MYO7B: variants seen among roughly 807,000 people sequenced by gnomAD.
MYO7B encodes the protein unconventional myosin-VIIb.
A neutral mutation model predicts 259.7 loss-of-function variants in MYO7B; 212 were observed. The ratio of observed to expected loss-of-function variants is 0.82; its 90% CI spans 0.73 to 0.91. MYO7B has a LOEUF of 0.91. Ranked by LOEUF, MYO7B falls within the 40% of genes least tolerant of loss-of-function variation. MYO7B has a pLI of 0.00. For synonymous variants in MYO7B, 1,197 were observed against 1,166.4 expected (o/e 1.03, Z -0.54); for missense variants, 2,732 against 2,813.5 (o/e 0.97, Z 0.66).
chr2:127,541,330 T>G (rs759415933), intron 1 of MYO7B, among the ~76,000 whole-genome samples: 11 of 152,226 alleles, frequency 7.2e-5, no homozygotes, highest in Non-Finnish European at 1.6e-4. Context: ...GGGCTGTCTC[T>G]CCTATGCTGT....
chr2:127,552,962 C>A (rs1573612952), intron 1 of MYO7B, among the ~76,000 whole-genome samples: 1 of 152,218 alleles, frequency 6.6e-6, no homozygotes, highest in Non-Finnish European at 1.5e-5. Context: ...TTACTAACTG[C>A]ATAGCCTCTG....
chr2:127,617,463 T>C (rs1480562727), intron 26 of MYO7B, among the ~76,000 whole-genome samples: 1 of 150,686 alleles, frequency 6.6e-6, no homozygotes, highest in African/African-American at 2.4e-5. Context: ...ACTGACCTTA[T>C]GCTGCCAGCA....
Position 127,630,870 on chromosome 2 carries a change from G to A in MYO7B, c.4899G>A (p.Lys1633=), listed in dbSNP as rs773184915. 6 of 1,608,020 alleles carry A rather than the reference G, an allele frequency of 3.7e-6. No individual in the cohort carries two copies. In the South Asian group the frequency reaches 6.7e-5, roughly 18 times the overall value. The change falls in exon 36 of 48, where the codon AAG becomes AAA. Residue 1633 remains lysine (K), a synonymous_variant. Coordinates refer to ENST00000409816, the MANE Select transcript of MYO7B (RefSeq NM_001393586.1). ...EPRPEEPPKE[K]LHTLEEFSYE... ...GTCCTGAGGAGCCACCCAAGGAAAA[G>A]CTGCACACCCTGGAGGAGTTCTCCT...
In MYO7B at chr2:127,609,914, T is replaced by TGCCAGGAGCA. The variant is rs762349892; in HGVS notation, c.3096_3105dup (p.Gln1036GlufsTer14). Reference sequence around the variant, plus strand: ...GTGATCTCCCAGAGCCAGTGCTGTATGCCAGGAGCAGCCAGCAGGGCAGCT... The same window carrying TGCCAGGAGCA: ...GTGATCTCCCAGAGCCAGTGCTGTATGCCAGGAGCAGCCAGGAGCAGCCAGCAGGGCAGCT... On this transcript the variant is annotated frameshift_variant, in exon 24 of 48. Transcript: ENST00000409816. LOFTEE classifies it high-confidence loss of function. The surrounding 1 kb of genome is among the most constrained non-coding windows in gnomAD (Gnocchi z 6.9). 1 of 1,610,938 alleles carries TGCCAGGAGCA rather than the reference T, an allele frequency of 6.2e-7. No homozygotes were observed. The highest frequency in any genetic ancestry group is 1.1e-5 in the South Asian group (1 of 90,590).
intron 34 of MYO7B, 24 bp from the exon 35 acceptor site, chr2:127,629,621 C>T (rs747778689): frequency 2.9e-5 from 47 of 1,604,322 alleles, no homozygotes; most frequent in Admixed American, 2.2e-4. Flanking sequence ...GAGCCCTCAG[C>T]AAATAGCCTC....
intron 15 of MYO7B, among the ~76,000 whole-genome samples, 175 bp from the exon 16 acceptor site, chr2:127,589,917 T>A (rs1310918106): frequency 7.7e-6 from 1 of 129,316 alleles, no homozygotes; most frequent in East Asian, 2.4e-4. Context: ...AAGGGGTGGG[T>A]GGATGGGTGA....
At position 127,559,010 on chromosome 2, in the gene MYO7B, G is replaced by A. The variant is rs1040422742; in HGVS notation, c.-23-690G>A. ...GCTAAAGAGCTTAGCAATAGACCTG[G>A]TACCCACCTTGCACTGCTCAGCGCA... On this transcript the variant is annotated intron_variant, in intron 1 of 47. Coordinates refer to ENST00000409816, the MANE Select transcript of MYO7B (RefSeq NM_001393586.1). The surrounding 1 kb of genome is among the most constrained non-coding windows in gnomAD (Gnocchi z 4.1). Among the ~76,000 whole-genome samples, 1 of 152,194 alleles carries A rather than the reference G, an allele frequency of 6.6e-6. No homozygotes were observed. Among genetic ancestry groups the A allele is most frequent in the Admixed American group, 6.5e-5 (1 of 15,280 alleles).
intron 35 of MYO7B, among the ~76,000 whole-genome samples, chr2:127,630,497 G>C (rs1389763678): frequency 6.6e-6 from 1 of 152,186 alleles, no homozygotes; most frequent in Non-Finnish European, 1.5e-5. Context: ...TGGGGAGCTG[G>C]GGGTCTGAGA....
At chr2:127,633,393 G>T in intron 40 of MYO7B, 30 bp downstream of exon 40, 1 of 1,603,610 alleles carries the variant, frequency 6.2e-7, no homozygotes, top group East Asian at 2.2e-5. Context: ...TGCACGGCAA[G>T]TCTCAGGCCT....
At chr2:127,624,424 G>A in intron 30 of MYO7B, 104 bp downstream of exon 30, 6 of 1,052,522 alleles carry the variant, frequency 5.7e-6, no homozygotes, top group East Asian at 2.6e-5. Flanking sequence ...AGGTGGGGGG[G>A]CAGGAAAGGG....
Position 127,628,091 on chromosome 2 carries a change from G to A in MYO7B, c.4461-281G>A, listed in dbSNP as rs1306170015. ...GCTCATCTCAGCTCTGACCTTTGCA[G>A]TGTCCCTGCGGTGTCACTGCACACC... On this transcript the variant is annotated intron_variant, in intron 33 of 47. Transcript: ENST00000409816. The surrounding 1 kb of genome is among the most constrained non-coding windows in gnomAD (Gnocchi z 4.8). 3.3e-6 allele frequency: 2 copies of A among 612,768 alleles called. No individual in the cohort carries two copies. The highest frequency in any genetic ancestry group is 6.1e-6 in the Non-Finnish European group (2 of 327,866). 38.0% of individuals were successfully genotyped at this position (612,768 alleles called of 1,614,324 possible).
chr2:127,593,640 T>G lies in MYO7B; in HGVS notation c.2240T>G (p.Leu747Arg). 5.6e-6 allele frequency: 9 copies of G among 1,613,556 alleles called. No individual in the cohort carries two copies. Among genetic ancestry groups the G allele is most frequent in the Non-Finnish European group, 7.6e-6 (9 of 1,179,768 alleles). ...AAAGCGGGGAAGACAAAAATTTTCC[T>G]GAGGGTGAGACCCCGAGGAACCAGC... ...DWKAGKTKIF[L>R]RDHQDTLLEV... Residue 747 changes from leucine to arginine, a missense_variant, in exon 18 of 48, where the codon CTG becomes CGG. By Grantham distance (102) the Leu-to-Arg change is moderately radical. Transcript: ENST00000409816.
intron 31 of MYO7B, 68 bp from the exon 32 acceptor site, chr2:127,626,906 CT>C: frequency 7.2e-7 from 1 of 1,387,612 alleles, no homozygotes; most frequent in Non-Finnish European, 1.0e-6. Flanking sequence ...CTCTTTTACC[CT>C]GAGCACTAGG....
chr2:127,633,143 G>C, intron 39 of MYO7B, 115 bp from the exon 40 acceptor site: 18 of 782,424 alleles, frequency 2.3e-5, no homozygotes, highest in Non-Finnish European at 3.5e-5. Context: ...CCCCAGTGAT[G>C]GTCACTGGGG....
At chr2:127,593,003 T>TG (rs58867441) in intron 17 of MYO7B, 57 bp downstream of exon 17, 1,467,767 of 1,544,838 alleles carry the variant, frequency 0.95, 697,632 homozygotes, top group East Asian at 1. Flanking sequence ...CCCTCGGCCT[T>TG]GGCACCTCCA....
chr2:127,536,471 G>T lies in MYO7B; in HGVS notation c.-24+640G>T, dbSNP rs957657242. Among the ~76,000 whole-genome samples, 7 of 142,762 alleles carry T rather than the reference G, an allele frequency of 4.9e-5. No homozygotes were observed. In the South Asian group the frequency reaches 6.8e-4, roughly 14 times the overall value. The allele number at this position is 142,762 out of a possible 152,430, so 93.7% of individuals were successfully genotyped here. A position where few individuals can be genotyped will look rare whatever the true frequency, so the allele number is the denominator to read the frequency against. On this transcript the variant is annotated intron_variant, in intron 1 of 47. Transcript: ENST00000409816. ...CAGGACAGGTCTGGGGTGTGGTGGG[G>T]GGGGGGGTGGGGGAAGAGGTGGCTG...
Position 127,627,377 on chromosome 2 carries a change from G to T in MYO7B, c.4460+67G>T, listed in dbSNP as rs753794981. 6.6e-6 allele frequency: 10 copies of T among 1,510,046 alleles called. No individual in the cohort carries two copies. The highest frequency in any genetic ancestry group is 1.2e-5 in the South Asian group (1 of 84,456). The allele number at this position is 1,510,046 out of a possible 1,614,324, so 93.5% of individuals were successfully genotyped here. ...CTTGTGATGCATCTGGGGGCTCGGG[G>T]AGAGATGGGGAGAGGGGCAGTGTGC... On this transcript the variant is annotated intron_variant, in intron 33 of 47. Transcript: ENST00000409816. This position sits in a 1 kb window ranked among gnomAD's most constrained non-coding sequence, Gnocchi z 5.6.
chr2:127,537,889 G>A (rs189686404), intron 1 of MYO7B, among the ~76,000 whole-genome samples: 59 of 152,324 alleles, frequency 3.9e-4, no homozygotes, highest in African/African-American at 1.3e-3. Context: ...AGTAGCTAGC[G>A]GCAGAAGACG....
In MYO7B at chr2:127,615,303, C is replaced by G. The variant is rs1680529014; in HGVS notation, c.3398+2700C>G. On this transcript the variant is annotated intron_variant, in intron 26 of 47. Transcript: ENST00000409816. This position sits in a 1 kb window ranked among gnomAD's most constrained non-coding sequence, Gnocchi z 4.4. ...CCATGGTTACTACTTGAGACCATTG[C>G]TACGATAGTTACTACTGTCACTACT... Among the ~76,000 whole-genome samples, 1 of 152,082 alleles carries G rather than the reference C, an allele frequency of 6.6e-6. No homozygotes were observed. Among genetic ancestry groups the G allele is most frequent in the Non-Finnish European group, 1.5e-5 (1 of 68,028 alleles).
Sources: allele counts gnomAD v4.1 joint callset (sites outside exome capture counted in the v4.1 genomes callset), GRCh38; gene constraint gnomAD v4.1.1; non-coding constraint Gnocchi (gnomAD v3.1); transcripts MANE v1.5; gene names NCBI Gene and HGNC (gene_info 2026-07-23, HGNC 2026-07-21).